Variants in SRGAP1 observed in about 807,000 individuals in gnomAD.
SRGAP1 encodes the protein SLIT-ROBO Rho GTPase-activating protein 1.
Under a neutral mutation model 121.9 loss-of-function variants are expected in SRGAP1, and 43 were observed. The ratio of observed to expected loss-of-function variants is 0.35; its 90% CI spans 0.28 to 0.46. SRGAP1 has a LOEUF of 0.46. Ranked by LOEUF, SRGAP1 falls within the 20% of genes least tolerant of loss-of-function variation. The pLI is 1.00. For synonymous variants in SRGAP1, 447 were observed against 485.4 expected, an observed-to-expected ratio of 0.92 and a Z score of 1.04; for missense variants, 1,102 against 1,350.9, an observed-to-expected ratio of 0.82 and a Z score of 2.89.
At chr12:64,110,941 G>A (rs1006077908) in intron 16 of SRGAP1, among the ~76,000 whole-genome samples, 1 of 152,072 alleles carries the variant, frequency 6.6e-6, no homozygotes, top group Non-Finnish European at 1.5e-5. Context: ...TTTGTCATAT[G>A]TTCACCTGGA....
chr12:63,871,722 G>C (rs756112428), intron 1 of SRGAP1: 26 of 945,606 alleles, frequency 2.7e-5, no homozygotes, highest in Non-Finnish European at 3.8e-5. Flanking sequence ...AAAATTAAAA[G>C]AAAAATATTC....
intron 8 of SRGAP1, among the ~76,000 whole-genome samples, chr12:64,074,384 C>G (rs1160255133): frequency 6.6e-6 from 1 of 152,052 alleles, no homozygotes; most frequent in East Asian, 1.9e-4. Flanking sequence ...TATATGAGGG[C>G]CTTTATTTTT....
At chr12:64,110,044 A>C (rs1237331365) in intron 16 of SRGAP1, among the ~76,000 whole-genome samples, 1 of 152,166 alleles carries the variant, frequency 6.6e-6, no homozygotes, top group Non-Finnish European at 1.5e-5. Flanking sequence ...ATTAATCACC[A>C]CTGGAAAAAA....
Position 64,080,758 on chromosome 12 carries a change from T to G in SRGAP1, c.1408+388T>G, listed in dbSNP as rs528348660. The G allele has an allele frequency of 1.1e-5, 3 of 277,160 alleles. No individual in the cohort carries two copies. In the East Asian group the frequency reaches 2.6e-4, roughly 24 times the overall value. 17.2% of individuals were successfully genotyped at this position (277,160 alleles called of 1,614,324 possible). On this transcript the variant is annotated intron_variant, in intron 10 of 21. Transcript: ENST00000355086. The stretch of plus-strand genomic sequence containing the variant: ...CCCTTCCAACCCCACCCCTGTTTGT[T>G]TTAATGGGCGAGTATTTGTTGTTCC...
intron 6 of SRGAP1, among the ~76,000 whole-genome samples, chr12:64,055,426 G>C (rs1374390673): frequency 6.6e-6 from 1 of 151,606 alleles, no homozygotes; most frequent in East Asian, 1.9e-4. Context: ...TGGCCATACT[G>C]CCCAAGGTAA....
intron 4 of SRGAP1, among the ~76,000 whole-genome samples, chr12:64,042,081 G>A (rs552917677): frequency 6.6e-6 from 1 of 151,786 alleles, no homozygotes; most frequent in South Asian, 2.1e-4. Context: ...ATTTTTAGTA[G>A]AGACAGGATT....
chr12:63,958,739 A>G (rs931505350), intron 1 of SRGAP1, among the ~76,000 whole-genome samples: 2 of 152,212 alleles, frequency 1.3e-5, no homozygotes, highest in African/African-American at 4.8e-5. Flanking sequence ...AATCCCAATG[A>G]TGAATTGAAA....
intron 3 of SRGAP1, among the ~76,000 whole-genome samples, chr12:64,010,401 TG>T: frequency 6.6e-6 from 1 of 152,118 alleles, no homozygotes; most frequent in Non-Finnish European, 1.5e-5. Flanking sequence ...TGGGAGGTTC[TG>T]GGGGTAAGAC....
intron 1 of SRGAP1, among the ~76,000 whole-genome samples, chr12:63,877,293 G>C (rs1377002513): frequency 6.6e-6 from 1 of 152,148 alleles, no homozygotes; most frequent in Admixed American, 6.5e-5. Context: ...TATTTTGTGT[G>C]TGTATGTATT....
intron 1 of SRGAP1, among the ~76,000 whole-genome samples, chr12:63,910,063 C>T (rs1016254716): frequency 6.6e-6 from 1 of 152,206 alleles, no homozygotes; most frequent in Non-Finnish European, 1.5e-5. Context: ...GCTGAATTGA[C>T]ACATAAAACT....
chr12:63,880,132 T>A (rs1052052605), intron 1 of SRGAP1, among the ~76,000 whole-genome samples: 1 of 152,168 alleles, frequency 6.6e-6, no homozygotes, highest in African/African-American at 2.4e-5. Context: ...CTGCACACAC[T>A]CTCTAGCCTG....
intron 11 of SRGAP1, 151 bp from the exon 12 acceptor site, chr12:64,091,125 A>C (rs896715646): frequency 6.2e-5 from 28 of 448,510 alleles, no homozygotes; most frequent in African/African-American, 4.8e-4. Flanking sequence ...AAAGTAAATA[A>C]ATGGGAAATG....
At chr12:64,039,627 ACGTGTGTGTGTGTGTG>A (rs1166769464) in intron 4 of SRGAP1, among the ~76,000 whole-genome samples, 1 of 38,318 alleles carries the variant, frequency 2.6e-5, no homozygotes, top group Non-Finnish European at 6.4e-5. Flanking sequence ...CAGCTGAGCA[ACGTGTGTGTGTGTGTG>A]TGTGTGTGTG....
intron 1 of SRGAP1, chr12:63,887,751 A>G (rs1265395939): frequency 6.6e-6 from 1 of 152,226 alleles, no homozygotes; most frequent in Non-Finnish European, 1.5e-5. Context: ...ATCTAAGATG[A>G]TAAGAAGAAA....
At chr12:64,047,754 T>C (rs61931199) in intron 6 of SRGAP1, among the ~76,000 whole-genome samples, 28,265 of 152,032 alleles carry the variant, frequency 0.19, 3,293 homozygotes, top group Non-Finnish European at 0.27. Context: ...AAATTTTCCG[T>C]AGAAACTATT....
intron 1 of SRGAP1, among the ~76,000 whole-genome samples, chr12:63,955,994 G>A (rs970824371): frequency 2.6e-5 from 4 of 152,148 alleles, no homozygotes; most frequent in Admixed American, 1.3e-4. Flanking sequence ...TTATGACTGA[G>A]CTACTGATTG....
chr12:64,133,306 G>T (rs890794804), intron 21 of SRGAP1, among the ~76,000 whole-genome samples: 9 of 152,210 alleles, frequency 5.9e-5, no homozygotes, highest in Middle Eastern at 6.3e-3. Context: ...CCAATGTGGG[G>T]GTTCTGCCAG....
rs777068982 is a variant in SRGAP1, at chr12:64,156,452, C to T, written c.*13780C>T. ...TTTTAGTAGCAAATACTCTGAATCT[C>T]TGCATATGTTACTCATTTTCTATCA... On this transcript the variant is annotated 3_prime_UTR_variant, in exon 22 of 22. Transcript: ENST00000355086. The T allele has an allele frequency of 1.3e-5, 2 of 152,114 alleles. No individual in the cohort carries two copies. Among genetic ancestry groups the T allele is most frequent in the Non-Finnish European group, 2.9e-5 (2 of 68,028 alleles). The allele number at this position is 152,114 out of a possible 1,614,324, so 9.4% of individuals were successfully genotyped here. A position where few individuals can be genotyped will look rare whatever the true frequency, so the allele number is the denominator to read the frequency against.
chr12:63,913,239 C>T (rs999804921), intron 1 of SRGAP1, among the ~76,000 whole-genome samples: 3 of 109,302 alleles, frequency 2.7e-5, no homozygotes, highest in Non-Finnish European at 5.1e-5. Flanking sequence ...CAGGGTCTCA[C>T]TCTTGCCCAC....
Sources: allele counts gnomAD v4.1 joint callset (sites outside exome capture counted in the v4.1 genomes callset), GRCh38; gene constraint gnomAD v4.1.1; transcripts MANE v1.5; gene names NCBI Gene and HGNC (gene_info 2026-07-23, HGNC 2026-07-21).